Variants in DNAJC6 observed in about 807,000 individuals in gnomAD.
DNAJC6 encodes auxilin.
Under a neutral mutation model 110.0 loss-of-function variants are expected in DNAJC6, and 34 were observed. The observed-to-expected ratio is 0.31, with a 90% confidence interval of 0.24 to 0.41. DNAJC6 has a LOEUF of 0.41. Among genes scored for constraint, DNAJC6 ranks in the 10% least tolerant of loss-of-function variants. DNAJC6 has a pLI of 1.00. For missense variants in DNAJC6, 1,031 were observed against 1,207.8 expected (o/e 0.85, Z 2.17); for synonymous variants, 406 against 437.2 (o/e 0.93, Z 0.89).
intron 1 of DNAJC6, among the ~76,000 whole-genome samples, chr1:65,285,186 CTT>C (rs1653975463): frequency 1.3e-5 from 2 of 152,220 alleles, no homozygotes; most frequent in South Asian, 4.1e-4. Context: ...AGCAATTGCT[CTT>C]CTTTCCTTGC....
intron 1 of DNAJC6, among the ~76,000 whole-genome samples, chr1:65,316,528 A>C (rs1287391236): frequency 6.6e-6 from 1 of 152,068 alleles, no homozygotes; most frequent in African/African-American, 2.4e-5. Context: ...GCTGGGTCTT[A>C]TTTGCCTTTG....
intron 1 of DNAJC6, among the ~76,000 whole-genome samples, chr1:65,283,961 G>T (rs1653932688): frequency 6.6e-6 from 1 of 152,006 alleles, no homozygotes; most frequent in African/African-American, 2.4e-5. Context: ...ATTTCCATAG[G>T]CCTCTATACT....
intron 4 of DNAJC6, among the ~76,000 whole-genome samples, chr1:65,378,177 C>T (rs1373210525): frequency 6.6e-6 from 1 of 152,216 alleles, no homozygotes; most frequent in Non-Finnish European, 1.5e-5. Context: ...TCCTCACCAA[C>T]CTCCTGACTG....
At chr1:65,358,483 A>G (rs796533263) in intron 1 of DNAJC6, among the ~76,000 whole-genome samples, 2 of 152,306 alleles carry the variant, frequency 1.3e-5, no homozygotes, top group South Asian at 4.1e-4. Context: ...ATTTGTGAAG[A>G]TTAAATGTGT....
At chr1:65,310,344 A>T (rs1191210843) in intron 1 of DNAJC6, among the ~76,000 whole-genome samples, 1 of 152,126 alleles carries the variant, frequency 6.6e-6, no homozygotes, top group Non-Finnish European at 1.5e-5. Context: ...GTGAAGGAGC[A>T]TGTGCGTTGA....
At chr1:65,388,873 T>G (rs6588143) in intron 9 of DNAJC6, among the ~76,000 whole-genome samples, 98,243 of 151,968 alleles carry the variant, frequency 0.65, 32,245 homozygotes, top group African/African-American at 0.79. Context: ...GTGAACGCAG[T>G]TGTGGGGGTG....
At chr1:65,278,228 C>T (rs1653736757) in intron 1 of DNAJC6, among the ~76,000 whole-genome samples, 1 of 152,084 alleles carries the variant, frequency 6.6e-6, no homozygotes, top group African/African-American at 2.4e-5. Context: ...CGTTCATTTA[C>T]TCATTCATCT....
At chr1:65,392,918 G>A (rs534244218) in intron 12 of DNAJC6, 53 bp downstream of exon 12, 1 of 1,418,478 alleles carries the variant, frequency 7.0e-7, no homozygotes, top group East Asian at 2.6e-5. Flanking sequence ...CTAACCTTTG[G>A]GCCAAATAGG....
At position 65,411,345 on chromosome 1, in the gene DNAJC6, A is replaced by C. The variant is rs773538284; in HGVS notation, c.2730A>C (p.Pro910=). 13 of 1,614,196 alleles carry C rather than the reference A, an allele frequency of 8.1e-6. No individual in the cohort carries two copies. The highest frequency in any genetic ancestry group is 1.7e-5 in the Admixed American group (1 of 60,030). ...VLWAGETKWK[P]VGMADLVTPE... is the part of the protein sequence containing the mutation. ...GGGCTGGGGAGACCAAGTGGAAACC[A>C]GTTGGCATGGCAGACCTGGTAACAC... Residue 910 remains proline, a synonymous_variant, in exon 18 of 19, where the codon CCA becomes CCC. Transcript: ENST00000371069.
chr1:65,401,538 C>T (rs935203285), intron 14 of DNAJC6, among the ~76,000 whole-genome samples: 5 of 152,176 alleles, frequency 3.3e-5, no homozygotes, highest in African/African-American at 1.2e-4. Context: ...TAATAGTTCA[C>T]ACTTGTGGCC....
At chr1:65,405,665 G>A (rs1015994306) in intron 15 of DNAJC6, among the ~76,000 whole-genome samples, 3 of 152,048 alleles carry the variant, frequency 2.0e-5, no homozygotes, top group Admixed American at 1.3e-4. Context: ...GAAAAATGAG[G>A]CCATTAAAAC....
At chr1:65,351,496 C>CA (rs1339890973) in intron 1 of DNAJC6, among the ~76,000 whole-genome samples, 2 of 152,168 alleles carry the variant, frequency 1.3e-5, no homozygotes, top group Non-Finnish European at 2.9e-5. Context: ...GAGGAATTGT[C>CA]AGAGGATCTC....
chr1:65,365,740 C>G (rs1213189703), intron 2 of DNAJC6, 145 bp from the exon 3 acceptor site: 2 of 859,274 alleles, frequency 2.3e-6, no homozygotes, highest in African/African-American at 3.4e-5. Flanking sequence ...GTGATCCTTC[C>G]TTGTTGGAGA....
chr1:65,264,809 T>G, exon 1 of DNAJC6: 2 of 1,555,850 alleles, frequency 1.3e-6, no homozygotes, highest in South Asian at 1.2e-5. Flanking sequence ...GTTGAGAGAC[T>G]TCGCCCCCGA....
At chr1:65,332,122 C>CT (rs1158699213) in intron 1 of DNAJC6, among the ~76,000 whole-genome samples, 2 of 152,046 alleles carry the variant, frequency 1.3e-5, no homozygotes, top group Non-Finnish European at 2.9e-5. Flanking sequence ...CTCTTTTTTG[C>CT]TTATAGCTTT....
chr1:65,336,261 A>G (rs1645335613), intron 1 of DNAJC6, among the ~76,000 whole-genome samples: 2 of 152,054 alleles, frequency 1.3e-5, no homozygotes, highest in African/African-American at 2.4e-5. Flanking sequence ...CTATGAAACT[A>G]TTATATCTTG....
chr1:65,361,445 A>C (rs1645596756), intron 1 of DNAJC6, among the ~76,000 whole-genome samples: 1 of 152,206 alleles, frequency 6.6e-6, no homozygotes, highest in Admixed American at 6.5e-5. Flanking sequence ...ATGTATTTAT[A>C]GATATATGTA....
In DNAJC6 at chr1:65,327,374, T is replaced by C. The variant is rs542861722; in HGVS notation, c.193+17436T>C. Among the ~76,000 whole-genome samples, 7 of 152,344 alleles carry C rather than the reference T, an allele frequency of 4.6e-5. No homozygotes were observed. The East Asian group carries it at 1.3e-3, about 29-fold the overall frequency. On this transcript the variant is annotated intron_variant, in intron 1 of 18. Transcript: ENST00000371069. ...TCCCCAAGGTCATAGAGAATATGAA[T>C]ATGAACCATATCTATCATGTTTCAA...
intron 17 of DNAJC6, 80 bp from the exon 18 acceptor site, chr1:65,411,170 G>C: frequency 7.0e-7 from 1 of 1,427,278 alleles, no homozygotes; most frequent in Non-Finnish European, 9.5e-7. Flanking sequence ...TGGAGCAGAA[G>C]GGGTTTCTAG....
Sources: gnomAD v4.1 joint callset for allele counts (sites outside exome capture counted in the v4.1 genomes callset) on GRCh38, gnomAD v4.1.1 for gene constraint, MANE v1.5 for transcripts, NCBI Gene and HGNC (gene_info 2026-07-23, HGNC 2026-07-21) for gene names.